Variants in CPNE2 observed in about 807,000 individuals in gnomAD.
CPNE2 encodes copine 2, also known as copine-2.
In CPNE2, 42 loss-of-function variants were observed where a neutral mutation model predicts 69.7. That is an observed-to-expected ratio of 0.60 (90% confidence interval 0.47 to 0.78). The LOEUF (loss-of-function observed/expected upper bound fraction) is 0.78. Among genes scored for constraint, CPNE2 ranks in the 30% least tolerant of loss-of-function variants. The pLI is 0.00. For synonymous variants in CPNE2, 294 were observed against 289.8 expected (o/e 1.01, Z -0.15); for missense variants, 587 against 732.0 (o/e 0.80, Z 2.29).
At chr16:57,145,568 C>G (rs573574199) in intron 14 of CPNE2, 1 of 173,984 alleles carries the variant, frequency 5.7e-6, no homozygotes, top group East Asian at 1.7e-4. Flanking sequence ...TGCCCATGCC[C>G]AGGTGCAGCA....
At chr16:57,114,373 T>C (rs1262386007) in intron 3 of CPNE2, among the ~76,000 whole-genome samples, 1 of 152,146 alleles carries the variant, frequency 6.6e-6, no homozygotes, top group East Asian at 1.9e-4. Flanking sequence ...CTGTGGCCCA[T>C]AGAGGGAGGC....
chr16:57,127,767 C>A, intron 11 of CPNE2, 82 bp from the exon 12 acceptor site: 1 of 1,364,838 alleles, frequency 7.3e-7, no homozygotes, highest in Non-Finnish European at 1.0e-6. Flanking sequence ...GTGTATGAGG[C>A]AGAGTGGGCC....
chr16:57,139,168 A>G (rs2399622), intron 14 of CPNE2, among the ~76,000 whole-genome samples: 137,849 of 152,162 alleles, frequency 0.91, 62,601 homozygotes, highest in Middle Eastern at 0.98. Flanking sequence ...AAGCTTGGAA[A>G]GTGGGGAGTG....
At chr16:57,116,637 A>G (rs891259200) in intron 4 of CPNE2, among the ~76,000 whole-genome samples, 1 of 152,102 alleles carries the variant, frequency 6.6e-6, no homozygotes, top group Admixed American at 6.5e-5. Flanking sequence ...CGGGTATGCC[A>G]TCACCCCAGC....
chr16:57,141,689 C>T (rs1367558057), intron 14 of CPNE2: 7 of 152,214 alleles, frequency 4.6e-5, no homozygotes, highest in African/African-American at 1.7e-4. Context: ...GGACCGAGAG[C>T]AGGTAGCTTA....
In CPNE2 at chr16:57,130,389, T is replaced by TA. The variant is rs1156750338; in HGVS notation, c.1116+2493dup. On this transcript the variant is annotated intron_variant, in intron 12 of 15. Coordinates refer to ENST00000290776, the MANE Select transcript of CPNE2 (RefSeq NM_152727.6). This position sits in a 1 kb window ranked among gnomAD's most constrained non-coding sequence, Gnocchi z 4.1. ...AAATTAATTAATTAATTAATTAAAA[T>TA]AAAAAAAGAGACAGCTGCATGAGAG... Among the ~76,000 whole-genome samples, 1 of 151,200 alleles carries TA rather than the reference T, an allele frequency of 6.6e-6. No individual in the cohort carries two copies. Among genetic ancestry groups the TA allele is most frequent in the Non-Finnish European group, 1.5e-5 (1 of 67,862 alleles).
In CPNE2 at chr16:57,092,848, G is replaced by A. The variant is rs1213494020; in HGVS notation, c.-36+58G>A. ...GCGTGAGTGCCCAACTTCGGCCTTG[G>A]GGCTGGGCTCTTTGATCCAGCTGCG... On this transcript the variant is annotated intron_variant, in intron 1 of 15. Coordinates refer to ENST00000290776, the MANE Select transcript of CPNE2 (RefSeq NM_152727.6). The surrounding 1 kb of genome is among the most constrained non-coding windows in gnomAD (Gnocchi z 5.3). The A allele has an allele frequency of 1.3e-5, 2 of 151,894 alleles. No individual in the cohort carries two copies. Among genetic ancestry groups the A allele is most frequent in the Non-Finnish European group, 2.9e-5 (2 of 67,952 alleles). 9.4% of individuals were successfully genotyped at this position (151,894 alleles called of 1,614,324 possible). A position where few individuals can be genotyped will look rare whatever the true frequency, so the allele number is the denominator to read the frequency against.
chr16:57,113,128 T>A (rs1223732640), intron 2 of CPNE2, 160 bp from the exon 3 acceptor site: 1 of 657,942 alleles, frequency 1.5e-6, no homozygotes, highest in Non-Finnish European at 2.6e-6. Context: ...TGCTTCAGTG[T>A]CCTTGTCTGT....
intron 1 of CPNE2, among the ~76,000 whole-genome samples, chr16:57,105,063 G>A (rs564900964): frequency 2.0e-5 from 3 of 152,168 alleles, no homozygotes; most frequent in Non-Finnish European, 2.9e-5. Flanking sequence ...CTGACTTCTA[G>A]GTTTAAAGAC....
At chr16:57,125,422 G>A in intron 10 of CPNE2, 1 of 450,674 alleles carries the variant, frequency 2.2e-6, no homozygotes, top group Admixed American at 2.4e-5. Context: ...TTGGGGGTGA[G>A]GTTATCTGGG....
At chr16:57,108,309 A>C (rs2069660436) in intron 1 of CPNE2, among the ~76,000 whole-genome samples, 1 of 152,198 alleles carries the variant, frequency 6.6e-6, no homozygotes, top group Non-Finnish European at 1.5e-5. Context: ...TTGCCTCGTA[A>C]GACTGAGTGA....
chr16:57,137,102 A>T, intron 13 of CPNE2, 47 bp from the exon 14 acceptor site: 3 of 1,602,620 alleles, frequency 1.9e-6, no homozygotes, highest in African/African-American at 2.7e-5. Context: ...GAGAGTGGGT[A>T]TGGGGTCAGG....
At chr16:57,122,886 C>T (rs1206469875) in intron 9 of CPNE2, among the ~76,000 whole-genome samples, 1 of 149,462 alleles carries the variant, frequency 6.7e-6, no homozygotes, top group Non-Finnish European at 1.5e-5. Flanking sequence ...AGCCACTATA[C>T]CTGGCCTGTT....
chr16:57,139,596 C>T (rs1189864550), intron 14 of CPNE2, among the ~76,000 whole-genome samples: 3 of 152,196 alleles, frequency 2.0e-5, no homozygotes, highest in Admixed American at 2.0e-4. Context: ...GTTTGGCCTA[C>T]ACCCAGGAAT....
chr16:57,124,415 C>A, intron 10 of CPNE2: 1 of 456,336 alleles, frequency 2.2e-6, no homozygotes, highest in Non-Finnish European at 4.4e-6. Context: ...GCACTTGCCG[C>A]CCCGAGATTC....
At position 57,127,879 on chromosome 16, in the gene CPNE2, G is replaced by A. The variant is rs558972058; in HGVS notation, c.1092G>A (p.Gly364=). ...SDKMFPALGF[G]AQLPPDWKVS... ...AGATGTTTCCAGCTCTGGGATTCGGGGCCCAGTTACCCCCAGACTGGAAGG... is the reference window on the plus strand; with the variant it reads ...AGATGTTTCCAGCTCTGGGATTCGGAGCCCAGTTACCCCCAGACTGGAAGG... The change falls in exon 12 of 16, where the codon GGG becomes GGA. Residue 364 remains glycine (G), a synonymous_variant. Coordinates refer to ENST00000290776, the MANE Select transcript of CPNE2 (RefSeq NM_152727.6). 4.3e-6 allele frequency: 7 copies of A among 1,613,650 alleles called. No homozygotes were observed. In the South Asian group the frequency reaches 6.6e-5, roughly 15 times the overall value.
chr16:57,146,320 A>G lies in CPNE2; in HGVS notation c.1538A>G (p.Asn513Ser), dbSNP rs772931727. The G allele has an allele frequency of 8.4e-6, 13 of 1,548,260 alleles. No individual in the cohort carries two copies. The highest frequency in any genetic ancestry group is 1.4e-5 in the African/African-American group (1 of 73,100). ...TTCGTTCCCTTTCGAGAGTTCCGCA[A>G]CGTGAGTGTGGGCCTGGGCTGGGAG... ...VQFVPFREFR[N>S]AAKETLAKAV... is the part of the protein sequence containing the mutation. The change falls in exon 15 of 16, where the codon AAC becomes AGC. Residue 513 changes from asparagine to serine, a missense_variant and splice_region_variant. This residue lies in a region of CPNE2 where 185 missense variants were observed against 252.3 expected (regional missense o/e 0.73). Coordinates refer to ENST00000290776, the MANE Select transcript of CPNE2 (RefSeq NM_152727.6). This position sits in a 1 kb window ranked among gnomAD's most constrained non-coding sequence, Gnocchi z 4.4.
chr16:57,122,799 A>C (rs1350671977), intron 9 of CPNE2, among the ~76,000 whole-genome samples: 1 of 151,670 alleles, frequency 6.6e-6, no homozygotes, highest in Non-Finnish European at 1.5e-5. Context: ...CATTATGTCG[A>C]CCAGGCTGGT....
chr16:57,107,399 A>G (rs12596944), intron 1 of CPNE2, among the ~76,000 whole-genome samples: 40,527 of 152,094 alleles, frequency 0.27, 7,320 homozygotes, highest in East Asian at 0.56. Context: ...TGTCCGGGGA[A>G]CACTGGATCT....
Sources: allele counts gnomAD v4.1 joint callset (sites outside exome capture counted in the v4.1 genomes callset), GRCh38; gene constraint gnomAD v4.1.1; regional missense constraint gnomAD v4.1.1; non-coding constraint Gnocchi (gnomAD v3.1); transcripts MANE v1.5; gene names NCBI Gene and HGNC (gene_info 2026-07-23, HGNC 2026-07-21).